Variants in PPP1R12B observed in about 807,000 individuals in gnomAD.
PPP1R12B encodes the protein myosin phosphatase target subunit 2.
A neutral mutation model predicts 126.1 loss-of-function variants in PPP1R12B; 76 were observed. The observed-to-expected ratio is 0.60, with a 90% CI of 0.50 to 0.73. PPP1R12B has a LOEUF of 0.73. Ranked by LOEUF, PPP1R12B falls within the 30% of genes least tolerant of loss-of-function variation. PPP1R12B has a pLI of 0.00. For synonymous variants in PPP1R12B, 356 were observed against 434.7 expected (o/e 0.82, Z 2.25); for missense variants, 1,052 against 1,205.1 (o/e 0.87, Z 1.88).
At chr1:202,510,914 A>T (rs1681401690) in intron 18 of PPP1R12B, among the ~76,000 whole-genome samples, 1 of 143,844 alleles carries the variant, frequency 7.0e-6, no homozygotes, top group Non-Finnish European at 1.5e-5. Flanking sequence ...TATATAATAT[A>T]ATAATATTTA....
intron 1 of PPP1R12B, among the ~76,000 whole-genome samples, chr1:202,387,264 C>CT (rs1663304069): frequency 6.6e-6 from 1 of 152,192 alleles, no homozygotes; most frequent in Non-Finnish European, 1.5e-5. Flanking sequence ...ATTAACAAGA[C>CT]TAACTGCTCC....
At chr1:202,462,912 G>C (rs1472203578) in intron 13 of PPP1R12B, 92 of 985,246 alleles carry the variant, frequency 9.3e-5, no homozygotes, top group Non-Finnish European at 1.1e-4. Flanking sequence ...ATTTGATCTG[G>C]CAATAGAGTT....
Position 202,588,824 on chromosome 1 carries a change from A to AAGATT in PPP1R12B, c.*8268_*8269insTAGAT, listed in dbSNP as rs1553332025. 1 of 144,124 alleles carries AAGATT rather than the reference A, an allele frequency of 6.9e-6. No homozygotes were observed. Among genetic ancestry groups the AAGATT allele is most frequent in the Non-Finnish European group, 1.5e-5 (1 of 66,306 alleles). 8.9% of individuals were successfully genotyped at this position (144,124 alleles called of 1,614,324 possible). On this transcript the variant is annotated 3_prime_UTR_variant, in exon 24 of 24. Coordinates refer to ENST00000608999, the MANE Select transcript of PPP1R12B (RefSeq NM_002481.4). ...CTAGATTGGCGTTCAAAAGAACCGT[A>AAGATT]AGATAGATAGATAGATAGATAGATA...
chr1:202,413,054 G>T (rs1667612029), intron 1 of PPP1R12B, among the ~76,000 whole-genome samples: 1 of 151,850 alleles, frequency 6.6e-6, no homozygotes, highest in African/African-American at 2.4e-5. Context: ...CATCATAGAA[G>T]AAATATAATT....
At chr1:202,533,466 TTTTTGTTTTG>T (rs546207929) in intron 18 of PPP1R12B, among the ~76,000 whole-genome samples, 18 of 152,158 alleles carry the variant, frequency 1.2e-4, no homozygotes, top group African/African-American at 3.1e-4. Flanking sequence ...ATTTTGGGTT[TTTTTGTTTTG>T]TTTTGTTTTG....
intron 1 of PPP1R12B, among the ~76,000 whole-genome samples, chr1:202,379,363 G>C (rs1456758524): frequency 2.0e-5 from 3 of 152,190 alleles, no homozygotes; most frequent in Non-Finnish European, 4.4e-5. Flanking sequence ...CAAAGAGCCT[G>C]ATTCATTAGG....
Position 202,431,618 on chromosome 1 carries a change from A to G in PPP1R12B, c.1140A>G (p.Ala380=), listed in dbSNP as rs777486483. 2 of 1,605,826 alleles carry G rather than the reference A, an allele frequency of 1.2e-6. No homozygotes were observed. The highest frequency in any genetic ancestry group is 1.7e-6 in the Non-Finnish European group (2 of 1,177,242). Residue 380 remains alanine (A), a splice_region_variant and synonymous_variant, in exon 8 of 24, where the codon GCA becomes GCG. Coordinates refer to ENST00000608999, the MANE Select transcript of PPP1R12B (RefSeq NM_002481.4). ...EASESETEKE[A]DKKPEAFVNH... Reference sequence around the variant, plus strand: ...CTGAGTCAGAAACTGAGAAGGAGGCAGGTAATGCAAAGATGTTCATAGTGA... The same window carrying G: ...CTGAGTCAGAAACTGAGAAGGAGGCGGGTAATGCAAAGATGTTCATAGTGA...
intron 1 of PPP1R12B, among the ~76,000 whole-genome samples, chr1:202,351,082 T>C (rs568199685): frequency 2.0e-5 from 3 of 152,284 alleles, no homozygotes; most frequent in South Asian, 4.1e-4. Flanking sequence ...AAAATTAAGC[T>C]GCTTAAAGAT....
At chr1:202,437,114 G>A (rs187249638) in intron 9 of PPP1R12B, among the ~76,000 whole-genome samples, 43 of 152,172 alleles carry the variant, frequency 2.8e-4, no homozygotes, top group Admixed American at 9.2e-4. Flanking sequence ...AGGATTGCTC[G>A]AGTTTAGGAC....
At chr1:202,394,142 T>C (rs1664551429) in intron 1 of PPP1R12B, among the ~76,000 whole-genome samples, 1 of 151,022 alleles carries the variant, frequency 6.6e-6, no homozygotes, top group African/African-American at 2.4e-5. Context: ...ATCGAGACCA[T>C]CCTGGCTAAC....
intron 18 of PPP1R12B, among the ~76,000 whole-genome samples, chr1:202,503,683 T>A (rs750819159): frequency 2.0e-5 from 3 of 152,158 alleles, no homozygotes; most frequent in African/African-American, 4.8e-5. Flanking sequence ...TCCTGGTACC[T>A]GACCCTGAGA....
chr1:202,574,035 T>C (rs1168516247), intron 23 of PPP1R12B, among the ~76,000 whole-genome samples: 1 of 152,122 alleles, frequency 6.6e-6, no homozygotes, highest in Non-Finnish European at 1.5e-5. Context: ...ACAATCTCTC[T>C]GGACTGCAGA....
chr1:202,495,156 A>G (rs1462097744), intron 15 of PPP1R12B, 137 bp from the exon 16 acceptor site: 1 of 540,674 alleles, frequency 1.8e-6, no homozygotes, highest in Non-Finnish European at 3.0e-6. Context: ...TTGAGTGCCT[A>G]TTACCAGGTA....
chr1:202,385,447 A>C (rs1327612740), intron 1 of PPP1R12B, among the ~76,000 whole-genome samples: 2 of 152,246 alleles, frequency 1.3e-5, no homozygotes, highest in Non-Finnish European at 2.9e-5. Flanking sequence ...AAGCTCATTC[A>C]AATAGCACCA....
Position 202,416,873 on chromosome 1 carries a change from A to G in PPP1R12B, c.378A>G (p.Thr126=), listed in dbSNP as rs1668143409. ...ACCAGCAAGACAACGAGGGCTGGACACCCCTTCATGCAGCAGCTTCCTGTG... is the reference window on the plus strand; with the variant it reads ...ACCAGCAAGACAACGAGGGCTGGACGCCCCTTCATGCAGCAGCTTCCTGTG... The part of the protein sequence containing the change: ...NVNQQDNEGW[T]PLHAAASCGY... The change falls in exon 2 of 24, where the codon ACA becomes ACG. Residue 126 remains threonine (T), a synonymous_variant. Coordinates refer to ENST00000608999, the MANE Select transcript of PPP1R12B (RefSeq NM_002481.4). 1 of 1,613,978 alleles carries G rather than the reference A, an allele frequency of 6.2e-7. No homozygotes were observed. The highest frequency in any genetic ancestry group is 2.2e-5 in the East Asian group (1 of 44,882).
chr1:202,372,828 A>G (rs1018802283), intron 1 of PPP1R12B, among the ~76,000 whole-genome samples: 8 of 152,302 alleles, frequency 5.3e-5, no homozygotes, highest in Admixed American at 5.2e-4. Context: ...AGCAGTTTTT[A>G]AAAAGTAGTA....
At chr1:202,374,934 A>G (rs938186968) in intron 1 of PPP1R12B, among the ~76,000 whole-genome samples, 3 of 151,710 alleles carry the variant, frequency 2.0e-5, no homozygotes, top group African/African-American at 7.3e-5. Context: ...TCTTTCTCCA[A>G]CTATTTTCTT....
intron 13 of PPP1R12B, among the ~76,000 whole-genome samples, chr1:202,458,007 G>A (rs1215142737): frequency 6.6e-6 from 1 of 152,172 alleles, no homozygotes; most frequent in African/African-American, 2.4e-5. Flanking sequence ...AAATTAAATA[G>A]GATCACTCAA....
At chr1:202,438,174 T>C (rs1671077567) in intron 10 of PPP1R12B, 150 bp downstream of exon 10, 1 of 1,559,076 alleles carries the variant, frequency 6.4e-7, no homozygotes, top group Non-Finnish European at 8.6e-7. Context: ...ACTGATAGTT[T>C]ATTCAAGTAG....
Sources: gnomAD v4.1 joint callset for allele counts (sites outside exome capture counted in the v4.1 genomes callset) on GRCh38, gnomAD v4.1.1 for gene constraint, MANE v1.5 for transcripts, NCBI Gene and HGNC (gene_info 2026-07-23, HGNC 2026-07-21) for gene names.